KCTD12: variants seen among roughly 807,000 people sequenced by gnomAD.
The protein encoded by KCTD12 is BTB/POZ domain-containing protein KCTD12.
Under a neutral mutation model 22.6 loss-of-function variants are expected in KCTD12, and 16 were observed. The observed-to-expected ratio is 0.71, with a 90% CI of 0.48 to 1.07. KCTD12 has a LOEUF of 1.07. Among genes scored for constraint, KCTD12 ranks in the 50% least tolerant of loss-of-function variants. KCTD12 has a pLI of 0.00. For synonymous variants in KCTD12, 260 were observed against 228.0 expected (o/e 1.14, Z -1.26); for missense variants, 452 against 469.2 (o/e 0.96, Z 0.34).
Position 76,885,591 on chromosome 13 carries a change from C to A in KCTD12, c.558G>T (p.Pro186=), listed in dbSNP as rs1383600189. 2.5e-5 allele frequency: 38 copies of A among 1,535,060 alleles called. No homozygotes were observed. Among genetic ancestry groups the A allele is most frequent in the Non-Finnish European group, 3.2e-5 (37 of 1,147,422 alleles). ...SPTLELASRS[P]SGGAAGPLLT... is the part of the protein sequence containing the mutation. ...GCAGCGGGCCCGCCGCGCCCCCGGA[C>A]GGACTGCGGCTAGCCAGCTCCAGCG... The change falls in exon 1 of 1, where the codon CCG becomes CCT. Residue 186 remains proline (P), a synonymous_variant. Coordinates refer to ENST00000377474, the MANE Select transcript of KCTD12 (RefSeq NM_138444.4). The surrounding 1 kb of genome is among the most constrained non-coding windows in gnomAD (Gnocchi z 5.1).
rs1331530474 is a variant in KCTD12 at position 76,880,397 on chromosome 13, C to G, written c.*4774G>C. On this transcript the variant is annotated 3_prime_UTR_variant, in exon 1 of 1. Transcript: ENST00000377474. The stretch of plus-strand genomic sequence containing the variant: ...AAAAGACTTTGACTGCATCTTTTTT[C>G]AATATAAAGGGATTTTTTTCTTACA... 2 of 152,222 alleles carry G rather than the reference C, an allele frequency of 1.3e-5. No individual in the cohort carries two copies. Among genetic ancestry groups the G allele is most frequent in the Non-Finnish European group, 2.9e-5 (2 of 67,992 alleles). 9.4% of individuals were successfully genotyped at this position (152,222 alleles called of 1,614,324 possible).
Position 76,885,121 on chromosome 13 carries a change from T to C in KCTD12, c.*50A>G. The C allele has an allele frequency of 1.9e-6, 3 of 1,575,638 alleles. No homozygotes were observed. Among genetic ancestry groups the C allele is most frequent in the Non-Finnish European group, 1.7e-6 (2 of 1,158,968 alleles). ...GGACAAGAGGCTCTGTAATCATCTC[T>C]CGGGCAGGAGAAGGACTGGGCGCTG... is the stretch of plus-strand genomic sequence containing the variant. On this transcript the variant is annotated 3_prime_UTR_variant, in exon 1 of 1. Transcript: ENST00000377474. The surrounding 1 kb of genome is among the most constrained non-coding windows in gnomAD (Gnocchi z 5.1).
At position 76,886,316 on chromosome 13, in the gene KCTD12, G is replaced by C; in HGVS notation, c.-168C>G. The C allele has an allele frequency of 1.3e-6, 1 of 757,924 alleles. No individual in the cohort carries two copies. The highest frequency in any genetic ancestry group is 1.8e-6 in the Non-Finnish European group (1 of 561,492). 46.9% of individuals were successfully genotyped at this position (757,924 alleles called of 1,614,324 possible). On this transcript the variant is annotated 5_prime_UTR_variant, in exon 1 of 1. Coordinates refer to ENST00000377474, the MANE Select transcript of KCTD12 (RefSeq NM_138444.4). ...GCCACCGCCGCCACCTCCTAGAGCC[G>C]CGCGGAGCCGAGCGGTGCGAGCGCG...
rs1372985910 is a variant in KCTD12, at chr13:76,884,606, G to A, written c.*565C>T. On this transcript the variant is annotated 3_prime_UTR_variant, in exon 1 of 1. Coordinates refer to ENST00000377474, the MANE Select transcript of KCTD12 (RefSeq NM_138444.4). ...CTGCCTCCATGGGGTCCTAATTCCA[G>A]GCTCAGAATCTTCCATCCAGCCTTC... The A allele has an allele frequency of 6.6e-6, 1 of 152,568 alleles. No individual in the cohort carries two copies. The highest frequency in any genetic ancestry group is 1.5e-5 in the Non-Finnish European group (1 of 68,402). 9.5% of individuals were successfully genotyped at this position (152,568 alleles called of 1,614,324 possible). A position where few individuals can be genotyped will look rare whatever the true frequency, so the allele number is the denominator to read the frequency against.
At position 76,881,666 on chromosome 13, in the gene KCTD12, C is replaced by CT. The variant is rs2033204369; in HGVS notation, c.*3504_*3505insA. On this transcript the variant is annotated 3_prime_UTR_variant, in exon 1 of 1. Coordinates refer to ENST00000377474, the MANE Select transcript of KCTD12 (RefSeq NM_138444.4). ...TTATCACTGTGCTATCAATCAAAAA[C>CT]CAGTAGAATACATAACAACATTGAA... is the stretch of plus-strand genomic sequence containing the variant. The CT allele has an allele frequency of 2.3e-3, 1 of 430 alleles. No homozygotes were observed. 0.0% of individuals were successfully genotyped at this position (430 alleles called of 1,614,324 possible). A position where few individuals can be genotyped will look rare whatever the true frequency, so the allele number is the denominator to read the frequency against.
Position 76,881,947 on chromosome 13 carries a change from G to A in KCTD12, c.*3224C>T, listed in dbSNP as rs920672869. 6.6e-6 allele frequency: 1 copy of A among 151,792 alleles called. No homozygotes were observed. The highest frequency in any genetic ancestry group is 1.5e-5 in the Non-Finnish European group (1 of 67,970). The allele number at this position is 151,792 out of a possible 1,614,324, so 9.4% of individuals were successfully genotyped here. On this transcript the variant is annotated 3_prime_UTR_variant, in exon 1 of 1. Coordinates refer to ENST00000377474, the MANE Select transcript of KCTD12 (RefSeq NM_138444.4). ...TTATGATCATCAAATGGTAATTAGG[G>A]CAACATATGTAAATGCATGCCTCTG...
In KCTD12 at chr13:76,883,181, T is replaced by G. The variant is rs2033222692; in HGVS notation, c.*1990A>C. The G allele has an allele frequency of 6.6e-6, 1 of 152,300 alleles. No individual in the cohort carries two copies. The highest frequency in any genetic ancestry group is 2.1e-4 in the South Asian group (1 of 4,828). 9.4% of individuals were successfully genotyped at this position (152,300 alleles called of 1,614,324 possible). A position where few individuals can be genotyped will look rare whatever the true frequency, so the allele number is the denominator to read the frequency against. ...AAAACTAAATGATTCATGTAAAATG[T>G]TTATATATGGTATATACAGCTTGGA... On this transcript the variant is annotated 3_prime_UTR_variant, in exon 1 of 1. Coordinates refer to ENST00000377474, the MANE Select transcript of KCTD12 (RefSeq NM_138444.4).
rs921863739 is a variant in KCTD12, at chr13:76,886,359, G to C, written c.-211C>G. On this transcript the variant is annotated 5_prime_UTR_variant, in exon 1 of 1. Transcript: ENST00000377474. ...CGAGCGCGCCGCTGTGCGCCCCCTT[G>C]AGTTCCAGTGCGCTCCGCCCGCCTT... 7 of 369,028 alleles carry C rather than the reference G, an allele frequency of 1.9e-5. No homozygotes were observed. Among genetic ancestry groups the C allele is most frequent in the African/African-American group, 1.3e-4 (6 of 46,174 alleles). 22.9% of individuals were successfully genotyped at this position (369,028 alleles called of 1,614,324 possible). A position where few individuals can be genotyped will look rare whatever the true frequency, so the allele number is the denominator to read the frequency against.
chr13:76,886,248 A>G lies in KCTD12; in HGVS notation c.-100T>C. 7.6e-7 allele frequency: 1 copy of G among 1,307,956 alleles called. No individual in the cohort carries two copies. Among genetic ancestry groups the G allele is most frequent in the Non-Finnish European group, 9.7e-7 (1 of 1,028,694 alleles). 81.0% of individuals were successfully genotyped at this position (1,307,956 alleles called of 1,614,324 possible). Reference sequence around the variant, plus strand: ...AGCCCCGGAACCCGGACGCTCGCTCAGCCCTGCGCCCCGCCGCCGCCGCCG... The same window carrying G: ...AGCCCCGGAACCCGGACGCTCGCTCGGCCCTGCGCCCCGCCGCCGCCGCCG... On this transcript the variant is annotated 5_prime_UTR_variant, in exon 1 of 1. Coordinates refer to ENST00000377474, the MANE Select transcript of KCTD12 (RefSeq NM_138444.4).
Position 76,886,263 on chromosome 13 carries a change from CGCCG to C in KCTD12, c.-119_-116del. On this transcript the variant is annotated 5_prime_UTR_variant, in exon 1 of 1. Transcript: ENST00000377474. ...ACGCTCGCTCAGCCCTGCGCCCCGCCGCCGCCGCCGCCGCCACCGCCGCCACCGC... is the reference window on the plus strand; with the variant it reads ...ACGCTCGCTCAGCCCTGCGCCCCGCCCCGCCGCCGCCACCGCCGCCACCGC... The C allele has an allele frequency of 8.6e-7, 1 of 1,162,530 alleles. No homozygotes were observed. The allele number at this position is 1,162,530 out of a possible 1,614,324, so 72.0% of individuals were successfully genotyped here.
chr13:76,883,916 C>T lies in KCTD12; in HGVS notation c.*1255G>A, dbSNP rs1478679844. 6.5e-6 allele frequency: 1 copy of T among 152,710 alleles called. No homozygotes were observed. Among genetic ancestry groups the T allele is most frequent in the East Asian group, 1.9e-4 (1 of 5,188 alleles). The allele number at this position is 152,710 out of a possible 1,614,324, so 9.5% of individuals were successfully genotyped here. On this transcript the variant is annotated 3_prime_UTR_variant, in exon 1 of 1. Coordinates refer to ENST00000377474, the MANE Select transcript of KCTD12 (RefSeq NM_138444.4). The stretch of plus-strand genomic sequence containing the variant: ...AAAACTAAAACCCTACTGGGTAACT[C>T]TTTGGTTAGATTATATATAAGCATT...
rs2033227303 is a variant in KCTD12, at chr13:76,883,550, T to C, written c.*1621A>G. On this transcript the variant is annotated 3_prime_UTR_variant, in exon 1 of 1. Transcript: ENST00000377474. ...CAGGTCTCCTTCTGTTTCTGTTGCA[T>C]TTACCTATTATTGGACCATTTTATT... The C allele has an allele frequency of 6.6e-6, 1 of 152,670 alleles. No homozygotes were observed. The highest frequency in any genetic ancestry group is 2.4e-5 in the African/African-American group (1 of 41,474). 9.5% of individuals were successfully genotyped at this position (152,670 alleles called of 1,614,324 possible).
chr13:76,886,342 C>G lies in KCTD12; in HGVS notation c.-194G>C, dbSNP rs1284220480. On this transcript the variant is annotated 5_prime_UTR_variant, in exon 1 of 1. Transcript: ENST00000377474. ...CGCGGAGCCGAGCGGTGCGAGCGCGCCGCTGTGCGCCCCCTTGAGTTCCAG... is the reference window on the plus strand; with the variant it reads ...CGCGGAGCCGAGCGGTGCGAGCGCGGCGCTGTGCGCCCCCTTGAGTTCCAG... The G allele has an allele frequency of 1.3e-5, 6 of 465,916 alleles. No homozygotes were observed. Among genetic ancestry groups the G allele is most frequent in the Non-Finnish European group, 1.9e-5 (6 of 314,030 alleles). The allele number at this position is 465,916 out of a possible 1,614,324, so 28.9% of individuals were successfully genotyped here.
chr13:76,886,119 T>C lies in KCTD12; in HGVS notation c.30A>G (p.Leu10=), dbSNP rs1260562997. The C allele has an allele frequency of 4.6e-6, 7 of 1,534,842 alleles. No individual in the cohort carries two copies. Among genetic ancestry groups the C allele is most frequent in the Non-Finnish European group, 6.1e-6 (7 of 1,141,352 alleles). The part of the protein sequence containing the change: MALADSTRG[L]PNGGGGGGGS... ...CGCCCCCGCCGCCGCCCCCGTTGGG[T>C]AATCCACGTGTGCTGTCCGCCAGAG... Residue 10 remains leucine (L), a synonymous_variant, in exon 1 of 1, where the codon TTA becomes TTG. Transcript: ENST00000377474.
In KCTD12 at chr13:76,883,058, A is replaced by G. The variant is rs1204243748; in HGVS notation, c.*2113T>C. 1 of 152,248 alleles carries G rather than the reference A, an allele frequency of 6.6e-6. No individual in the cohort carries two copies. Among genetic ancestry groups the G allele is most frequent in the East Asian group, 1.9e-4 (1 of 5,202 alleles). 9.4% of individuals were successfully genotyped at this position (152,248 alleles called of 1,614,324 possible). On this transcript the variant is annotated 3_prime_UTR_variant, in exon 1 of 1. Transcript: ENST00000377474. ...TAACCCAATTCCTCGATAAGGATGT[A>G]AGAAACTCATCAAAACATGTTGCTT...
rs1374164363 is a variant in KCTD12, at chr13:76,884,942, G to A, written c.*229C>T. On this transcript the variant is annotated 3_prime_UTR_variant, in exon 1 of 1. Transcript: ENST00000377474. Reference sequence around the variant, plus strand: ...GTGGGGGTGGGGTGGGGGTTCCTCTGGGTTCTCTCGGTTCAGGAGGTCCAA... The same window carrying A: ...GTGGGGGTGGGGTGGGGGTTCCTCTAGGTTCTCTCGGTTCAGGAGGTCCAA... 3 of 529,086 alleles carry A rather than the reference G, an allele frequency of 5.7e-6. No homozygotes were observed. The highest frequency in any genetic ancestry group is 3.8e-5 in the African/African-American group (2 of 52,262). 32.8% of individuals were successfully genotyped at this position (529,086 alleles called of 1,614,324 possible).
Position 76,886,258 on chromosome 13 carries a change from C to CCCGCCGCCG in KCTD12, c.-119_-111dup, listed in dbSNP as rs879633611. The CCCGCCGCCG allele has an allele frequency of 5.8e-5, 70 of 1,216,384 alleles. No individual in the cohort carries two copies. Among genetic ancestry groups the CCCGCCGCCG allele is most frequent in the East Asian group, 1.6e-4 (5 of 30,670 alleles). 75.3% of individuals were successfully genotyped at this position (1,216,384 alleles called of 1,614,324 possible). A position where few individuals can be genotyped will look rare whatever the true frequency, so the allele number is the denominator to read the frequency against. ...CCCGGACGCTCGCTCAGCCCTGCGC[C>CCCGCCGCCG]CCGCCGCCGCCGCCGCCGCCACCGC... On this transcript the variant is annotated 5_prime_UTR_variant, in exon 1 of 1. Transcript: ENST00000377474.
chr13:76,885,408 C>T lies in KCTD12; in HGVS notation c.741G>A (p.Glu247=). Reference sequence around the variant, plus strand: ...TTTCGTTCAGGGTGTCCCCAAACACCTCCTTGGCCAGCGACGTCTTTCCGC... The same window carrying T: ...TTTCGTTCAGGGTGTCCCCAAACACTTCCTTGGCCAGCGACGTCTTTCCGC... ...TVCGKTSLAK[E]VFGDTLNESR... Residue 247 remains glutamate, a synonymous_variant, in exon 1 of 1, where the codon GAG becomes GAA. Coordinates refer to ENST00000377474, the MANE Select transcript of KCTD12 (RefSeq NM_138444.4). The surrounding 1 kb of genome is among the most constrained non-coding windows in gnomAD (Gnocchi z 5.1). The T allele has an allele frequency of 1.9e-6, 3 of 1,613,628 alleles. No homozygotes were observed. The South Asian group carries it at 3.3e-5, about 18-fold the overall frequency.
Position 76,885,720 on chromosome 13 carries a change from C to G in KCTD12, c.429G>C (p.Arg143=), listed in dbSNP as rs905959296. 48 of 1,406,100 alleles carry G rather than the reference C, an allele frequency of 3.4e-5. No homozygotes were observed. The highest frequency in any genetic ancestry group is 4.3e-5 in the Non-Finnish European group (47 of 1,094,052). The allele number at this position is 1,406,100 out of a possible 1,614,324, so 87.1% of individuals were successfully genotyped here. Residue 143 remains arginine (R), a synonymous_variant, in exon 1 of 1, where the codon CGG becomes CGC. Transcript: ENST00000377474. The surrounding 1 kb of genome is among the most constrained non-coding windows in gnomAD (Gnocchi z 5.1). The part of the protein sequence containing the change: ...QQPGPGPPPS[R]RGVHKEGSLG... ...GCGAGCCCTCCTTGTGCACCCCGCGCCGCGAGGGCGGCGGCCCCGGGCCGG... is the reference window on the plus strand; with the variant it reads ...GCGAGCCCTCCTTGTGCACCCCGCGGCGCGAGGGCGGCGGCCCCGGGCCGG...
Sources: gnomAD v4.1 joint callset for allele counts on GRCh38, gnomAD v4.1.1 for gene constraint, Gnocchi (gnomAD v3.1) non-coding constraint, MANE v1.5 for transcripts, NCBI Gene and HGNC (gene_info 2026-07-23, HGNC 2026-07-21) for gene names.